Variants in CDC42BPB observed in about 807,000 individuals in gnomAD.
CDC42BPB encodes the protein serine/threonine-protein kinase MRCK beta.
In CDC42BPB, 37 loss-of-function variants were observed where a neutral mutation model predicts 214.9. The ratio of observed to expected loss-of-function variants is 0.17; its 90% confidence interval spans 0.13 to 0.23. CDC42BPB has a LOEUF of 0.23. CDC42BPB is among the 10% of genes least tolerant of loss of function. The pLI, the probability that CDC42BPB is intolerant of heterozygous loss-of-function variation, is 1.00. For synonymous variants in CDC42BPB, 931 were observed against 884.0 expected (o/e 1.05, Z -0.94); for missense variants, 1,694 against 2,227.0 (o/e 0.76, Z 4.82).
At chr14:102,962,880 T>C (rs1357367884) in intron 20 of CDC42BPB, among the ~76,000 whole-genome samples, 181 bp downstream of exon 20, 1 of 152,038 alleles carries the variant, frequency 6.6e-6, no homozygotes, top group Non-Finnish European at 1.5e-5. Flanking sequence ...CCAAAAACAA[T>C]GGCTACCTTT....
In CDC42BPB at chr14:102,938,288, G is replaced by A. The variant is rs147363242; in HGVS notation, c.4933+18C>T. 2.5e-4 allele frequency: 397 copies of A among 1,606,060 alleles called. 2 individuals are homozygous for A. In the African/African-American group the frequency reaches 4.7e-3, roughly 19 times the overall value. On this transcript the variant is annotated intron_variant, in intron 35 of 36. Transcript: ENST00000361246. ...CCCCACCTCCCCCAGGGCTGCGGGGGCCAGGCTTCCCCTGTACCTGATGAG... is the reference window on the plus strand; with the variant it reads ...CCCCACCTCCCCCAGGGCTGCGGGGACCAGGCTTCCCCTGTACCTGATGAG...
intron 21 of CDC42BPB, chr14:102,956,560 T>C (rs565290139): frequency 2.4e-4 from 58 of 241,450 alleles, no homozygotes; most frequent in African/African-American, 1.2e-3. Flanking sequence ...CCAGGCACGG[T>C]GGCTCATGCC....
intron 1 of CDC42BPB, among the ~76,000 whole-genome samples, chr14:103,023,356 C>T (rs575670060): frequency 1.3e-5 from 2 of 152,084 alleles, no homozygotes; most frequent in African/African-American, 2.4e-5. Context: ...TTAGTAGAGA[C>T]GGGTTTCACC....
At chr14:103,011,756 C>CA (rs1886172711) in intron 2 of CDC42BPB, among the ~76,000 whole-genome samples, 2 of 151,652 alleles carry the variant, frequency 1.3e-5, no homozygotes, top group South Asian at 2.1e-4. Context: ...AAAACAAAAA[C>CA]AAAAAAAACT....
At chr14:102,976,168 G>T (rs1479482156) in intron 9 of CDC42BPB, 119 bp from the exon 10 acceptor site, 3 of 1,485,898 alleles carry the variant, frequency 2.0e-6, no homozygotes, top group Non-Finnish European at 2.7e-6. Context: ...AAACACCTGA[G>T]ATAAGACTTT....
At chr14:103,052,734 A>G (rs544720424) in intron 1 of CDC42BPB, among the ~76,000 whole-genome samples, 1 of 152,290 alleles carries the variant, frequency 6.6e-6, no homozygotes, top group African/African-American at 2.4e-5. Flanking sequence ...CCTCTGTGAC[A>G]CCAGCATCAA....
intron 9 of CDC42BPB, among the ~76,000 whole-genome samples, chr14:102,976,805 G>C (rs1306802551): frequency 6.6e-6 from 1 of 152,236 alleles, no homozygotes; most frequent in East Asian, 1.9e-4. Flanking sequence ...GTCAAGAGGA[G>C]AGCTCTAGGC....
chr14:102,963,041 A>C lies in CDC42BPB; in HGVS notation c.2821+20T>G, dbSNP rs763662893. ...AATACTTATATTCAAATAATGCAGAATCGCACAACATTAATTTACCAGTAT... is the reference window on the plus strand; with the variant it reads ...AATACTTATATTCAAATAATGCAGACTCGCACAACATTAATTTACCAGTAT... On this transcript the variant is annotated intron_variant, in intron 20 of 36. Coordinates refer to ENST00000361246, the MANE Select transcript of CDC42BPB (RefSeq NM_006035.4). The C allele has an allele frequency of 4.6e-6, 5 of 1,081,000 alleles. No homozygotes were observed. In the South Asian group the frequency reaches 6.6e-5, roughly 14 times the overall value. 67.0% of individuals were successfully genotyped at this position (1,081,000 alleles called of 1,614,324 possible).
chr14:103,037,977 C>T (rs1304170325), intron 1 of CDC42BPB, among the ~76,000 whole-genome samples: 1 of 147,920 alleles, frequency 6.8e-6, no homozygotes, highest in Non-Finnish European at 1.5e-5. Flanking sequence ...TGCAGTGAGC[C>T]GAGATCATGC....
chr14:102,975,604 T>A, intron 11 of CDC42BPB, 80 bp downstream of exon 11: 1 of 1,402,750 alleles, frequency 7.1e-7, no homozygotes, highest in South Asian at 1.3e-5. Context: ...TCCCACTTTA[T>A]GAAAAGGACT....
In CDC42BPB at chr14:102,933,471, C is replaced by T. The variant is rs1891487561; in HGVS notation, c.*241G>A. On this transcript the variant is annotated 3_prime_UTR_variant, in exon 37 of 37. Transcript: ENST00000361246. ...GGTGGGAGACAGGCTGTATGGGGGT[C>T]CTTCATGTGCAGATGGAACAGCATC... 5 of 385,472 alleles carry T rather than the reference C, an allele frequency of 1.3e-5. No individual in the cohort carries two copies. Among genetic ancestry groups the T allele is most frequent in the Non-Finnish European group, 2.3e-5 (5 of 219,272 alleles). The allele number at this position is 385,472 out of a possible 1,614,324, so 23.9% of individuals were successfully genotyped here.
At chr14:102,954,719 G>A (rs1409645731) in intron 21 of CDC42BPB, 31 bp from the exon 22 acceptor site, 3 of 1,598,948 alleles carry the variant, frequency 1.9e-6, no homozygotes, top group South Asian at 2.2e-5. Context: ...AGAGTGGGGT[G>A]AAAGGACATA....
At position 102,954,592 on chromosome 14, in the gene CDC42BPB, G is replaced by A. The variant is rs1397806537; in HGVS notation, c.2988+10C>T. The A allele has an allele frequency of 6.2e-6, 10 of 1,609,196 alleles. No homozygotes were observed. The highest frequency in any genetic ancestry group is 2.2e-5 in the East Asian group (1 of 44,806). On this transcript the variant is annotated intron_variant, in intron 22 of 36. Coordinates refer to ENST00000361246, the MANE Select transcript of CDC42BPB (RefSeq NM_006035.4). ...CAGGTGGGAGCATCACCAGGGCAAC[G>A]CTGTCTCACCTCCTGCTGCTCTGAT...
intron 34 of CDC42BPB, 73 bp downstream of exon 34, chr14:102,939,537 A>G (rs1566838989): frequency 3.6e-6 from 4 of 1,106,840 alleles, no homozygotes; most frequent in Non-Finnish European, 5.5e-6. Context: ...GGACAGTCTC[A>G]GCCAGCATGG....
chr14:102,975,947 T>G lies in CDC42BPB; in HGVS notation c.1323A>C (p.Glu441Asp). 6.2e-7 allele frequency: 1 copy of G among 1,614,232 alleles called. No individual in the cohort carries two copies. The highest frequency in any genetic ancestry group is 1.6e-4 in the Middle Eastern group (1 of 6,062). ...GCCTCCGAATCCTCCTCTCGTAAGCTTCCATCTGCAGGCTGTGCTCCAGGT... is the reference window on the plus strand; with the variant it reads ...GCCTCCGAATCCTCCTCTCGTAAGCGTCCATCTGCAGGCTGTGCTCCAGGT... ...QRDLEHSLQM[E>D]AYERRIRRLE... The change falls in exon 10 of 37, where the codon GAA (glutamate) becomes GAC (aspartate). Residue 441 changes from glutamate (E) to aspartate (D), a missense_variant. Physicochemically the swap from Glu to Asp is conservative, Grantham distance 45 (BLOSUM62 2). Transcript: ENST00000361246.
chr14:103,023,405 G>T (rs1886877055), intron 1 of CDC42BPB, among the ~76,000 whole-genome samples: 1 of 151,996 alleles, frequency 6.6e-6, no homozygotes, highest in Non-Finnish European at 1.5e-5. Flanking sequence ...CACCTCAGGT[G>T]ATCCACCTGC....
At chr14:103,035,838 T>C (rs1887633270) in intron 1 of CDC42BPB, among the ~76,000 whole-genome samples, 1 of 150,416 alleles carries the variant, frequency 6.6e-6, no homozygotes, top group South Asian at 2.1e-4. Context: ...AGACTCTGTC[T>C]CAAAAAAAAT....
chr14:102,934,009 T>C (rs1442226828), intron 36 of CDC42BPB, 166 bp from the exon 37 acceptor site: 3 of 1,368,254 alleles, frequency 2.2e-6, no homozygotes, highest in East Asian at 6.2e-5. Context: ...GTGGGGCCCT[T>C]AGGCGTGCTG....
At chr14:103,023,044 C>T (rs1032490446) in intron 1 of CDC42BPB, among the ~76,000 whole-genome samples, 4 of 151,838 alleles carry the variant, frequency 2.6e-5, no homozygotes, top group Non-Finnish European at 5.9e-5. Context: ...CAGGGTCCCC[C>T]AGGCTGGAGA....
Sources: allele counts gnomAD v4.1 joint callset (sites outside exome capture counted in the v4.1 genomes callset), GRCh38; gene constraint gnomAD v4.1.1; transcripts MANE v1.5; gene names NCBI Gene and HGNC (gene_info 2026-07-23, HGNC 2026-07-21).